The following AVEN variants were observed in gnomAD, a reference collection of about 807,000 sequenced individuals.
The protein encoded by AVEN is apoptosis and caspase activation inhibitor.
A neutral mutation model predicts 38.1 loss-of-function variants in AVEN; 41 were observed. The ratio of observed to expected loss-of-function variants is 1.08; its 90% CI spans 0.84 to 1.40. The LOEUF (loss-of-function observed/expected upper bound fraction) is 1.40, where lower values mean the gene tolerates loss of function less well. Ranked by LOEUF, AVEN falls within the 40% of genes most tolerant of loss-of-function variation. The pLI, the probability that AVEN is intolerant of heterozygous loss-of-function variation, is 0.00. For synonymous variants in AVEN, 206 were observed against 171.8 expected (o/e 1.20, Z -1.56); for missense variants, 605 against 438.8 (o/e 1.38, Z -3.38).
intron 2 of AVEN, among the ~76,000 whole-genome samples, chr15:33,923,549 C>T (rs1304920267): frequency 1.3e-5 from 2 of 152,148 alleles, no homozygotes; most frequent in African/African-American, 2.4e-5. Context: ...TGTAACTACT[C>T]AACTAGCTGC....
chr15:33,983,211 T>TATGC (rs1896260288), intron 2 of AVEN, among the ~76,000 whole-genome samples: 1 of 14,528 alleles, frequency 6.9e-5, no homozygotes, highest in Admixed American at 6.9e-4. Context: ...TATATATATA[T>TATGC]ATACATATAT....
At chr15:34,000,601 T>C (rs542278690) in intron 2 of AVEN, among the ~76,000 whole-genome samples, 72 of 152,336 alleles carry the variant, frequency 4.7e-4, no homozygotes, top group African/African-American at 1.7e-3. Flanking sequence ...AAAGCAGAAT[T>C]GTTTCAAGGA....
chr15:33,994,719 A>G (rs1011322277), intron 2 of AVEN, among the ~76,000 whole-genome samples: 1 of 152,252 alleles, frequency 6.6e-6, no homozygotes, highest in Admixed American at 6.5e-5. Flanking sequence ...CAAGTCTTCA[A>G]AAATTCACTG....
chr15:33,961,186 A>C (rs1895145525), intron 2 of AVEN, among the ~76,000 whole-genome samples: 1 of 152,010 alleles, frequency 6.6e-6, no homozygotes, highest in South Asian at 2.1e-4. Context: ...TATTTTACAG[A>C]GACAGAGTCT....
At chr15:33,872,411 G>T (rs537682552) in intron 3 of AVEN, among the ~76,000 whole-genome samples, 97 of 152,126 alleles carry the variant, frequency 6.4e-4, no homozygotes, top group Non-Finnish European at 1.2e-3. Context: ...ATCCTCCTCA[G>T]AATCTACAGC....
At chr15:33,973,099 A>G (rs1895709722) in intron 2 of AVEN, among the ~76,000 whole-genome samples, 2 of 152,278 alleles carry the variant, frequency 1.3e-5, no homozygotes, top group South Asian at 2.1e-4. Context: ...TAGTGAAATA[A>G]CTCAAGAATC....
intron 2 of AVEN, among the ~76,000 whole-genome samples, chr15:33,930,365 TAAAG>T (rs201961099): frequency 0.011 from 1,651 of 151,672 alleles, 27 homozygotes; most frequent in African/African-American, 0.038. Flanking sequence ...ATGTAATCCT[TAAAG>T]AGAGTTTATT....
chr15:33,920,137 G>A (rs1327602824), intron 2 of AVEN, among the ~76,000 whole-genome samples: 1 of 152,018 alleles, frequency 6.6e-6, no homozygotes, highest in Non-Finnish European at 1.5e-5. Flanking sequence ...TATGCAACAG[G>A]GTGCTAGAGT....
intron 1 of AVEN, among the ~76,000 whole-genome samples, chr15:34,017,700 G>A (rs1898001299): frequency 6.6e-6 from 1 of 151,948 alleles, no homozygotes; most frequent in Admixed American, 6.6e-5. Context: ...GGCAGGTCTC[G>A]AACTCCTGAC....
intron 2 of AVEN, among the ~76,000 whole-genome samples, chr15:33,886,306 A>T (rs1222338940): frequency 6.6e-6 from 1 of 151,926 alleles, no homozygotes; most frequent in Non-Finnish European, 1.5e-5. Flanking sequence ...ACAAGATTTG[A>T]TGGTTTTTTG....
At chr15:34,065,559 A>AGAAAAGCACACTTGAGGGTGCGAT (rs1900488421) in intron 4 of AVEN, 1 of 152,264 alleles carries the variant, frequency 6.6e-6, no homozygotes, top group African/African-American at 2.4e-5. Context: ...TGAGAAGGCC[A>AGAAAAGCACACTTGAGGGTGCGAT]GAAAAGCACA....
intron 2 of AVEN, among the ~76,000 whole-genome samples, chr15:33,922,148 T>C (rs968598360): frequency 1.3e-5 from 2 of 152,176 alleles, no homozygotes; most frequent in South Asian, 2.1e-4. Context: ...AATCTTTCAA[T>C]ATAGGGAGTA....
At chr15:34,044,247 G>A (rs1288697514) in intron 5 of AVEN, among the ~76,000 whole-genome samples, 1 of 152,022 alleles carries the variant, frequency 6.6e-6, no homozygotes, top group Admixed American at 6.6e-5. Flanking sequence ...CACTCCTCAA[G>A]CCTTTTGTGC....
chr15:33,853,578 C>A, the AVEN span: 1 of 1,613,940 alleles, frequency 6.2e-7, no homozygotes, highest in Non-Finnish European at 8.5e-7. Flanking sequence ...ATGGAGATCT[C>A]TACGGAGCAG....
At chr15:33,882,929 T>C (rs1022696431) in intron 2 of AVEN, among the ~76,000 whole-genome samples, 6 of 152,042 alleles carry the variant, frequency 3.9e-5, no homozygotes, top group African/African-American at 1.4e-4. Context: ...GAAATAAATA[T>C]AAGAGATAGC....
chr15:33,998,676 T>C (rs1359595466), intron 2 of AVEN, among the ~76,000 whole-genome samples: 2 of 152,194 alleles, frequency 1.3e-5, no homozygotes, highest in East Asian at 3.9e-4. Context: ...ATAACCTTCC[T>C]GTTAAATTTA....
At chr15:33,853,457 G>A in the AVEN span, 35 of 1,428,368 alleles carry the variant, frequency 2.5e-5, no homozygotes, top group Non-Finnish European at 2.8e-5. Context: ...CCCCTTGGAA[G>A]ATTGCCCATA....
At position 33,904,871 on chromosome 15, in the gene AVEN, T is replaced by C. The variant is rs951134964; in HGVS notation, c.446-28876A>G. ...TTGGTTGGGCGTGGTGGCTCACGCC[T>C]GTAATCCCAGTACTTTGGGAGGCCG... On this transcript the variant is annotated intron_variant, in intron 2 of 5. Coordinates refer to ENST00000306730, the MANE Select transcript of AVEN (RefSeq NM_020371.3). 3.3e-5 allele frequency among the ~76,000 whole-genome samples: 5 copies of C among 152,162 alleles called. 1 individual carries two copies. In the Middle Eastern group the frequency reaches 0.014, roughly 417 times the overall value.
intron 2 of AVEN, among the ~76,000 whole-genome samples, chr15:33,937,479 G>A (rs1894130296): frequency 6.6e-6 from 1 of 151,408 alleles, no homozygotes; most frequent in South Asian, 2.1e-4. Flanking sequence ...CTTGCAGTGA[G>A]CCGAGATCAC....
Sources: gnomAD v4.1 joint callset for allele counts (sites outside exome capture counted in the v4.1 genomes callset) on GRCh38, gnomAD v4.1.1 for gene constraint, MANE v1.5 for transcripts, NCBI Gene and HGNC (gene_info 2026-07-23, HGNC 2026-07-21) for gene names.